VPS35L: variants seen among roughly 807,000 people sequenced by gnomAD.
VPS35L encodes VPS35 endosomal protein-sorting factor-like.
In VPS35L, 83 loss-of-function variants were observed where a neutral mutation model predicts 133.0. That is an observed-to-expected ratio of 0.62 (90% CI 0.52 to 0.75). The LOEUF (loss-of-function observed/expected upper bound fraction) is 0.75. Among genes scored for constraint, VPS35L ranks in the 30% least tolerant of loss-of-function variants. The probability of loss-of-function intolerance (pLI) is 0.00; values close to 1 mark genes in which losing one functional copy is unlikely to be tolerated. For synonymous variants in VPS35L, 423 were observed against 449.9 expected (o/e 0.94, Z 0.76); for missense variants, 1,083 against 1,206.8 (o/e 0.90, Z 1.52).
At chr16:19,587,898 C>T (rs569469342) in intron 7 of VPS35L, among the ~76,000 whole-genome samples, 4 of 146,016 alleles carry the variant, frequency 2.7e-5, no homozygotes, top group Non-Finnish European at 6.0e-5. Flanking sequence ...CTCTCAGGTT[C>T]AAGCGATTTT....
At position 19,691,486 on chromosome 16, in the gene VPS35L, C is replaced by G. The variant is rs777685173; in HGVS notation, c.2646+15C>G. On this transcript the variant is annotated intron_variant, in intron 29 of 30. Coordinates refer to ENST00000417362, the MANE Select transcript of VPS35L (RefSeq NM_020314.7). ...CCAAGGACGAGGTGGGTGCCCTCTG[C>G]TGTCCTCCACCCGCCCCTTGCTCTG... 6.3e-7 allele frequency: 1 copy of G among 1,586,746 alleles called. No individual in the cohort carries two copies. The highest frequency in any genetic ancestry group is 8.7e-7 in the Non-Finnish European group (1 of 1,155,242).
chr16:19,664,196 C>G (rs529576627), intron 26 of VPS35L, among the ~76,000 whole-genome samples: 30 of 152,240 alleles, frequency 2.0e-4, no homozygotes, highest in Middle Eastern at 6.8e-3. Context: ...ACAATTCTTA[C>G]AATAGAGCAG....
intron 9 of VPS35L, among the ~76,000 whole-genome samples, chr16:19,607,167 A>T (rs977960058): frequency 3.3e-5 from 5 of 152,210 alleles, no homozygotes; most frequent in African/African-American, 1.2e-4. Context: ...CTGCTGTTTA[A>T]AAATATGTAT....
At chr16:19,568,443 A>G (rs1040130059) in intron 2 of VPS35L, among the ~76,000 whole-genome samples, 6 of 149,724 alleles carry the variant, frequency 4.0e-5, no homozygotes, top group African/African-American at 4.9e-5. Context: ...TTGCATAGGC[A>G]TGATTGATTA....
At chr16:19,647,751 T>C (rs1402789676) in intron 23 of VPS35L, 33 bp from the exon 24 acceptor site, 23 of 1,538,312 alleles carry the variant, frequency 1.5e-5, no homozygotes, top group Non-Finnish European at 2.0e-5. Context: ...AAAATACCAC[T>C]GTCCCTTTCA....
At chr16:19,678,482 T>G (rs1468749153) in intron 27 of VPS35L, among the ~76,000 whole-genome samples, 1 of 138,024 alleles carries the variant, frequency 7.2e-6, no homozygotes, top group Non-Finnish European at 1.5e-5. Context: ...CATCTGTACA[T>G]TTTTTTTTTT....
chr16:19,672,108 C>T (rs1016825939), intron 27 of VPS35L, among the ~76,000 whole-genome samples: 2 of 152,072 alleles, frequency 1.3e-5, no homozygotes, highest in Admixed American at 1.3e-4. Flanking sequence ...AGCCACCACG[C>T]CTGGCTAATT....
Position 19,699,633 on chromosome 16 carries a change from A to G in VPS35L, c.2778A>G (p.Ala926=), listed in dbSNP as rs1976042947. Residue 926 remains alanine (A), a synonymous_variant, in exon 30 of 31, where the codon GCA becomes GCG. Transcript: ENST00000417362. The surrounding 1 kb of genome is among the most constrained non-coding windows in gnomAD (Gnocchi z 4.2). ...ACCTGGCACAGAGGCACGGCTGTGC[A>G]GACACCAGGACCATGGTGAGGCGCT... is the stretch of plus-strand genomic sequence containing the variant. ...LWHLAQRHGC[A]DTRTMVKTLE... 5 of 1,613,756 alleles carry G rather than the reference A, an allele frequency of 3.1e-6. No individual in the cohort carries two copies. The highest frequency in any genetic ancestry group is 4.2e-6 in the Non-Finnish European group (5 of 1,180,032).
In VPS35L at chr16:19,596,834, A is replaced by G. The variant is rs113897307; in HGVS notation, c.725-4830A>G. Among the ~76,000 whole-genome samples the G allele has an allele frequency of 4.8e-3, 726 of 151,484 alleles. 8 individuals carry two copies. The highest frequency in any genetic ancestry group is 0.017 in the African/African-American group (708 of 41,242). On this transcript the variant is annotated intron_variant, in intron 8 of 30. Transcript: ENST00000417362. The stretch of plus-strand genomic sequence containing the variant: ...TAGGAATTCGAGACCAGCCTGGGCA[A>G]CATGGTGAAACCCGTCTTTACTAAA...
chr16:19,652,134 A>C, intron 26 of VPS35L, 44 bp downstream of exon 26: 1 of 1,364,142 alleles, frequency 7.3e-7, no homozygotes, highest in East Asian at 2.4e-5. Context: ...CTTGCTGCTT[A>C]GGAAAACTGA....
At chr16:19,595,540 C>T (rs932549116) in intron 8 of VPS35L, among the ~76,000 whole-genome samples, 14 of 152,260 alleles carry the variant, frequency 9.2e-5, no homozygotes, top group South Asian at 4.1e-4. Flanking sequence ...CTGGTTCCCT[C>T]GCCCGCCTCT....
intron 27 of VPS35L, among the ~76,000 whole-genome samples, chr16:19,679,803 G>T (rs1975204034): frequency 6.6e-6 from 1 of 152,140 alleles, no homozygotes; most frequent in South Asian, 2.1e-4. Flanking sequence ...CCGCTATCTA[G>T]CCCAGGCTAA....
At position 19,639,792 on chromosome 16, in the gene VPS35L, G is replaced by A. The variant is rs1156258018; in HGVS notation, c.1699-223G>A. ...GATCCACCCGCCTCAGCCTCCCAAA[G>A]TGCTGGGATTACAGGTGTGAGCCAC... On this transcript the variant is annotated intron_variant, in intron 20 of 30. Transcript: ENST00000417362. This position sits in a 1 kb window ranked among gnomAD's most constrained non-coding sequence, Gnocchi z 4.1. Among the ~76,000 whole-genome samples the A allele has an allele frequency of 2.0e-5, 3 of 152,142 alleles. No individual in the cohort carries two copies. The highest frequency in any genetic ancestry group is 7.2e-5 in the African/African-American group (3 of 41,434).
In VPS35L at chr16:19,683,320, T is replaced by C. The variant is rs375533324; in HGVS notation, c.2527+930T>C. Reference sequence around the variant, plus strand: ...TGTTTAAAAAAATAATTATAATAATTTCAACTTCTATTTTAGATTTAGGAG... The same window carrying C: ...TGTTTAAAAAAATAATTATAATAATCTCAACTTCTATTTTAGATTTAGGAG... On this transcript the variant is annotated intron_variant, in intron 28 of 30. Transcript: ENST00000417362. 2.3e-4 allele frequency among the ~76,000 whole-genome samples: 35 copies of C among 152,320 alleles called. 1 individual carries two copies. The highest frequency in any genetic ancestry group is 7.9e-4 in the African/African-American group (33 of 41,574).
At chr16:19,565,670 C>T (rs1410277514) in intron 2 of VPS35L, among the ~76,000 whole-genome samples, 1 of 152,080 alleles carries the variant, frequency 6.6e-6, no homozygotes, top group Non-Finnish European at 1.5e-5. Flanking sequence ...TTAAATCAAC[C>T]AGTTTGTTCA....
At chr16:19,681,529 C>A (rs35543835) in intron 27 of VPS35L, among the ~76,000 whole-genome samples, 3 of 152,306 alleles carry the variant, frequency 2.0e-5, no homozygotes, top group Admixed American at 6.5e-5. Flanking sequence ...AGTGAGAAGT[C>A]TGGAGAGCTT....
chr16:19,667,241 CGT>C (rs1252266203), intron 26 of VPS35L, among the ~76,000 whole-genome samples: 1 of 152,012 alleles, frequency 6.6e-6, no homozygotes, highest in African/African-American at 2.4e-5. Context: ...AGATTACAGG[CGT>C]GAGCTACCGT....
intron 26 of VPS35L, among the ~76,000 whole-genome samples, chr16:19,661,767 A>G (rs2151597092): frequency 6.6e-6 from 1 of 152,276 alleles, no homozygotes; most frequent in East Asian, 1.9e-4. Flanking sequence ...TGTGCCTTAC[A>G]CATACAGGGA....
chr16:19,690,173 C>T (rs985734712), intron 28 of VPS35L, among the ~76,000 whole-genome samples: 5 of 152,154 alleles, frequency 3.3e-5, no homozygotes, highest in African/African-American at 1.2e-4. Context: ...TCCCAGAGTG[C>T]TGGGATTATA....
Sources: allele counts gnomAD v4.1 joint callset (sites outside exome capture counted in the v4.1 genomes callset), GRCh38; gene constraint gnomAD v4.1.1; non-coding constraint Gnocchi (gnomAD v3.1); transcripts MANE v1.5; gene names NCBI Gene and HGNC (gene_info 2026-07-23, HGNC 2026-07-21).